CHRM3: variants seen among roughly 807,000 people sequenced by gnomAD.
CHRM3 encodes the protein cholinergic receptor muscarinic 3, also known as muscarinic acetylcholine receptor M3.
In CHRM3, 11 loss-of-function variants were observed where a neutral mutation model predicts 41.8. That is an observed-to-expected ratio of 0.26 (90% CI 0.17 to 0.44). CHRM3 has a LOEUF of 0.44. Ranked by LOEUF, CHRM3 falls within the 20% of genes least tolerant of loss-of-function variation. The pLI is 1.00. For synonymous variants in CHRM3, 297 were observed against 301.4 expected, an observed-to-expected ratio of 0.99 and a Z score of 0.15; for missense variants, 571 against 745.4, an observed-to-expected ratio of 0.77 and a Z score of 2.72.
In CHRM3 at chr1:239,489,463, T is replaced by C. The variant is rs557763916; in HGVS notation, c.-520-3246T>C. ...TAGGAACAACTTCGTTTCTCATTCT[T>C]GGTATCACTTACAGAGCTGTAATGA... On this transcript the variant is annotated intron_variant, in intron 1 of 6. Coordinates refer to ENST00000676153, the MANE Select transcript of CHRM3 (RefSeq NM_001375978.1). Among the ~76,000 whole-genome samples, 4 of 152,274 alleles carry C rather than the reference T, an allele frequency of 2.6e-5. 1 individual carries two copies. In the South Asian group the frequency reaches 8.3e-4, roughly 32 times the overall value.
chr1:239,457,216 C>T (rs911659747), intron 1 of CHRM3, among the ~76,000 whole-genome samples: 5 of 152,228 alleles, frequency 3.3e-5, no homozygotes, highest in South Asian at 4.1e-4. Context: ...CCTCCATTTT[C>T]GCAACTGTAA....
chr1:239,639,900 T>C (rs896355499), intron 4 of CHRM3, among the ~76,000 whole-genome samples: 1 of 147,554 alleles, frequency 6.8e-6, no homozygotes. Flanking sequence ...GGCTGTGGGT[T>C]TGTCATAGAT....
chr1:239,815,304 G>A (rs573243022), intron 5 of CHRM3, among the ~76,000 whole-genome samples: 24 of 152,122 alleles, frequency 1.6e-4, no homozygotes, highest in Non-Finnish European at 3.4e-4. Context: ...ATGACTCACC[G>A]ACCGGAGGAA....
intron 6 of CHRM3, among the ~76,000 whole-genome samples, chr1:239,858,601 A>G (rs1675318362): frequency 6.6e-6 from 1 of 151,850 alleles, no homozygotes; most frequent in Admixed American, 6.6e-5. Context: ...TTTAAGGTAG[A>G]ATTTATATAA....
chr1:239,738,534 A>T (rs1207652448), intron 5 of CHRM3, among the ~76,000 whole-genome samples: 1 of 152,210 alleles, frequency 6.6e-6, no homozygotes, highest in Non-Finnish European at 1.5e-5. Flanking sequence ...ATTTCAGGGC[A>T]GTCAGAAAAC....
At chr1:239,728,365 T>C (rs920334551) in intron 5 of CHRM3, among the ~76,000 whole-genome samples, 4 of 151,936 alleles carry the variant, frequency 2.6e-5, no homozygotes, top group African/African-American at 9.7e-5. Flanking sequence ...GCCTATTCTG[T>C]AACCAACTCT....
Position 239,490,623 on chromosome 1 carries a change from G to A in CHRM3, c.-520-2086G>A, listed in dbSNP as rs186563336. 1.1e-3 allele frequency among the ~76,000 whole-genome samples: 161 copies of A among 152,092 alleles called. 1 individual carries two copies. The highest frequency in any genetic ancestry group is 3.6e-3 in the African/African-American group (151 of 41,494). On this transcript the variant is annotated intron_variant, in intron 1 of 6. Transcript: ENST00000676153. ...CTTACTCTGTCTCCCAGTCAGTAGC[G>A]CAATCATAGCTCATTGCAGTCTGGA...
intron 4 of CHRM3, among the ~76,000 whole-genome samples, chr1:239,644,855 C>T (rs992483621): frequency 6.6e-6 from 1 of 152,192 alleles, no homozygotes; most frequent in East Asian, 1.9e-4. Flanking sequence ...AGCAGGGTCC[C>T]ATGGCCTGGG....
intron 5 of CHRM3, among the ~76,000 whole-genome samples, chr1:239,787,067 T>G (rs1343130833): frequency 6.6e-6 from 1 of 152,102 alleles, no homozygotes; most frequent in South Asian, 2.1e-4. Flanking sequence ...AGGTGGTGCA[T>G]GAGAAAAAAA....
chr1:239,489,268 C>T (rs148549773), intron 1 of CHRM3, among the ~76,000 whole-genome samples: 5 of 152,130 alleles, frequency 3.3e-5, no homozygotes, highest in African/African-American at 4.8e-5. Context: ...AAAAATTAGC[C>T]GGGCGTGGGG....
intron 5 of CHRM3, among the ~76,000 whole-genome samples, chr1:239,812,809 C>T (rs1266551661): frequency 6.6e-6 from 1 of 152,186 alleles, no homozygotes; most frequent in South Asian, 2.1e-4. Context: ...TTTTAATCTA[C>T]TGATGAGGCA....
At chr1:239,719,409 A>C (rs917608080) in intron 5 of CHRM3, 1 of 151,994 alleles carries the variant, frequency 6.6e-6, no homozygotes, top group Non-Finnish European at 1.5e-5. Flanking sequence ...GCAGTATTAC[A>C]GTTTCAGGGG....
chr1:239,846,453 C>T (rs1674270961), intron 6 of CHRM3, among the ~76,000 whole-genome samples: 1 of 152,114 alleles, frequency 6.6e-6, no homozygotes, highest in East Asian at 1.9e-4. Flanking sequence ...AGAAAGGATT[C>T]TCGGTCTAAT....
intron 3 of CHRM3, among the ~76,000 whole-genome samples, chr1:239,624,368 T>G (rs1668794393): frequency 1.7e-5 from 1 of 60,450 alleles, no homozygotes; most frequent in African/African-American, 7.2e-5. Context: ...CTTGTAAATT[T>G]GTTTGAGTTC....
At chr1:239,561,900 TTGG>T (rs1238480819) in intron 3 of CHRM3, among the ~76,000 whole-genome samples, 3 of 152,172 alleles carry the variant, frequency 2.0e-5, no homozygotes, top group Non-Finnish European at 4.4e-5. Flanking sequence ...ACAGAATTTC[TTGG>T]TGAAGAAAAA....
At chr1:239,470,804 T>G (rs1666063982) in intron 1 of CHRM3, among the ~76,000 whole-genome samples, 1 of 152,204 alleles carries the variant, frequency 6.6e-6, no homozygotes, top group South Asian at 2.1e-4. Flanking sequence ...CATTTTCTTT[T>G]TTCCTCACTG....
intron 6 of CHRM3, among the ~76,000 whole-genome samples, chr1:239,851,935 C>T (rs1043237156): frequency 3.3e-5 from 5 of 152,108 alleles, no homozygotes; most frequent in Non-Finnish European, 5.9e-5. Context: ...GAGGTGAAGA[C>T]TCTCAAGTCC....
chr1:239,470,449 C>A (rs762509618), intron 1 of CHRM3, among the ~76,000 whole-genome samples: 5 of 152,174 alleles, frequency 3.3e-5, no homozygotes, highest in Non-Finnish European at 7.3e-5. Context: ...CACACCCCCC[C>A]ACTCTTTTAC....
chr1:239,802,580 A>G (rs1332022063), intron 5 of CHRM3, among the ~76,000 whole-genome samples: 1 of 152,110 alleles, frequency 6.6e-6, no homozygotes, highest in East Asian at 1.9e-4. Context: ...ACATGTAAAT[A>G]GCAGGTGTAG....
Sources: gnomAD v4.1 joint callset for allele counts (sites outside exome capture counted in the v4.1 genomes callset) on GRCh38, gnomAD v4.1.1 for gene constraint, MANE v1.5 for transcripts, NCBI Gene and HGNC (gene_info 2026-07-23, HGNC 2026-07-21) for gene names.